SPHKAP: variants seen among roughly 807,000 people sequenced by gnomAD.
SPHKAP encodes A-kinase anchor protein SPHKAP.
A neutral mutation model predicts 137.5 loss-of-function variants in SPHKAP; 67 were observed. The ratio of observed to expected loss-of-function variants is 0.49; its 90% confidence interval spans 0.40 to 0.60. The LOEUF (loss-of-function observed/expected upper bound fraction) is 0.60, where lower values mean the gene tolerates loss of function less well. Ranked by LOEUF, SPHKAP falls within the 20% of genes least tolerant of loss-of-function variation. The pLI is 0.00. For synonymous variants in SPHKAP, 813 were observed against 785.3 expected, an observed-to-expected ratio of 1.04 and a Z score of -0.59; for missense variants, 2,097 against 2,069.3, an observed-to-expected ratio of 1.01 and a Z score of -0.26.
At chr2:228,088,113 G>A (rs1482881614) in intron 3 of SPHKAP, among the ~76,000 whole-genome samples, 1 of 151,896 alleles carries the variant, frequency 6.6e-6, no homozygotes. Context: ...ATGAGACCAG[G>A]TAAAATAAAA....
intron 3 of SPHKAP, among the ~76,000 whole-genome samples, chr2:228,090,119 A>G (rs1472867951): frequency 6.6e-6 from 1 of 152,212 alleles, no homozygotes; most frequent in Non-Finnish European, 1.5e-5. Flanking sequence ...TAGGCACTCA[A>G]CTATAACCTG....
In SPHKAP at chr2:228,006,217, T is replaced by G. The variant is rs561314686; in HGVS notation, c.4448+10189A>C. On this transcript the variant is annotated intron_variant, in intron 7 of 11. Transcript: ENST00000392056. ...TTGTTCTTTTCACACAGTCCCATAT[T>G]TTTTGGAGGCTTTGTTCATTTCTCT... Among the ~76,000 whole-genome samples, 3 of 152,332 alleles carry G rather than the reference T, an allele frequency of 2.0e-5. No individual in the cohort carries two copies. The East Asian group carries it at 5.8e-4, about 29-fold the overall frequency.
intron 3 of SPHKAP, among the ~76,000 whole-genome samples, chr2:228,049,416 A>G (rs990525818): frequency 6.6e-6 from 1 of 152,200 alleles, no homozygotes; most frequent in Non-Finnish European, 1.5e-5. Flanking sequence ...TTCTTCCAGT[A>G]TACTGTTGTT....
intron 3 of SPHKAP, among the ~76,000 whole-genome samples, chr2:228,039,600 G>C (rs1695762968): frequency 6.6e-6 from 1 of 152,054 alleles, no homozygotes; most frequent in Non-Finnish European, 1.5e-5. Context: ...TTTGTGAAAA[G>C]CTAATGTGAG....
chr2:228,013,541 A>T (rs1694464906), intron 7 of SPHKAP, among the ~76,000 whole-genome samples: 1 of 152,166 alleles, frequency 6.6e-6, no homozygotes. Context: ...CACCATGCCC[A>T]GCTTTTAAGA....
chr2:227,996,696 T>C (rs1574720775), intron 7 of SPHKAP, among the ~76,000 whole-genome samples: 1 of 152,182 alleles, frequency 6.6e-6, no homozygotes, highest in East Asian at 1.9e-4. Context: ...TCCCACCCTC[T>C]TCCTGGGCTT....
intron 3 of SPHKAP, among the ~76,000 whole-genome samples, chr2:228,040,186 A>G (rs1008516300): frequency 6.6e-6 from 1 of 152,178 alleles, no homozygotes; most frequent in Non-Finnish European, 1.5e-5. Context: ...GAAGAAAACC[A>G]ATTCCTTCTT....
intron 11 of SPHKAP, among the ~76,000 whole-genome samples, chr2:227,986,748 G>A (rs1693227007): frequency 1.3e-5 from 2 of 152,074 alleles, no homozygotes; most frequent in African/African-American, 2.4e-5. Flanking sequence ...TCTCTGCACT[G>A]CCCCCATAGA....
chr2:227,994,476 A>C (rs1693545531), intron 8 of SPHKAP, among the ~76,000 whole-genome samples: 1 of 152,176 alleles, frequency 6.6e-6, no homozygotes, highest in Admixed American at 6.5e-5. Flanking sequence ...CTTTCAAGCA[A>C]GTCTTCCAAA....
intron 1 of SPHKAP, among the ~76,000 whole-genome samples, chr2:228,152,223 G>A (rs1699956796): frequency 6.6e-6 from 1 of 152,052 alleles, no homozygotes; most frequent in Admixed American, 6.5e-5. Context: ...AAGTTAAGCT[G>A]GTTGTGATAT....
intron 1 of SPHKAP, among the ~76,000 whole-genome samples, chr2:228,134,795 C>T (rs1215368636): frequency 2.6e-5 from 4 of 152,160 alleles, no homozygotes; most frequent in Non-Finnish European, 5.9e-5. Flanking sequence ...CTGTGTCCTC[C>T]AGGCAGCTCT....
intron 2 of SPHKAP, among the ~76,000 whole-genome samples, chr2:228,129,541 G>A (rs940659708): frequency 6.6e-6 from 1 of 151,854 alleles, no homozygotes; most frequent in African/African-American, 2.4e-5. Flanking sequence ...ATTTAGGTCG[G>A]GCCATACAAA....
chr2:228,092,778 A>AC (rs1351344346), intron 3 of SPHKAP, among the ~76,000 whole-genome samples: 1 of 151,808 alleles, frequency 6.6e-6, no homozygotes, highest in Non-Finnish European at 1.5e-5. Context: ...GGAACTGGAG[A>AC]CCATTTTTTG....
At chr2:228,041,931 C>A (rs1459189798) in intron 3 of SPHKAP, among the ~76,000 whole-genome samples, 2 of 151,984 alleles carry the variant, frequency 1.3e-5, no homozygotes, top group Admixed American at 6.6e-5. Context: ...AGAAACAGAG[C>A]AGCTAATCAT....
In SPHKAP at chr2:228,142,009, C is replaced by T. The variant is rs573018578; in HGVS notation, c.33-9924G>A. 1.7e-4 allele frequency among the ~76,000 whole-genome samples: 26 copies of T among 152,176 alleles called. No homozygotes were observed. In the East Asian group the frequency reaches 5.0e-3, roughly 29 times the overall value. ...TCCGGTAGTTATGGTTCTGTGGAGG[C>T]CCTGCTTCACTTATCACAAACACCA... is the stretch of plus-strand genomic sequence containing the variant. On this transcript the variant is annotated intron_variant, in intron 1 of 11. Coordinates refer to ENST00000392056, the MANE Select transcript of SPHKAP (RefSeq NM_001142644.2).
At chr2:228,051,524 G>A (rs991093107) in intron 3 of SPHKAP, among the ~76,000 whole-genome samples, 1 of 152,126 alleles carries the variant, frequency 6.6e-6, no homozygotes, top group African/African-American at 2.4e-5. Context: ...ACTGGTTCAA[G>A]TGGGGTTGAA....
At chr2:227,987,864 C>G (rs552421679) in intron 11 of SPHKAP, among the ~76,000 whole-genome samples, 2 of 152,132 alleles carry the variant, frequency 1.3e-5, no homozygotes, top group African/African-American at 4.8e-5. Context: ...CTAATTAGCC[C>G]AAAAAAATTT....
At chr2:228,075,935 A>T (rs1697166396) in intron 3 of SPHKAP, among the ~76,000 whole-genome samples, 1 of 152,198 alleles carries the variant, frequency 6.6e-6, no homozygotes, top group Non-Finnish European at 1.5e-5. Context: ...CCTCACTCAA[A>T]TCTCATCTTG....
At chr2:228,004,397 G>C (rs919845802) in intron 7 of SPHKAP, among the ~76,000 whole-genome samples, 4 of 152,046 alleles carry the variant, frequency 2.6e-5, no homozygotes, top group African/African-American at 9.7e-5. Flanking sequence ...TCTGTGGGAT[G>C]GGTGGTGATA....
Sources: allele counts gnomAD v4.1 joint callset (sites outside exome capture counted in the v4.1 genomes callset), GRCh38; gene constraint gnomAD v4.1.1; transcripts MANE v1.5; gene names NCBI Gene and HGNC (gene_info 2026-07-23, HGNC 2026-07-21).